The following TSPAN18 variants were observed in gnomAD, a reference collection of about 807,000 sequenced individuals.
TSPAN18 encodes the protein tetraspanin 18.
A neutral mutation model predicts 27.3 loss-of-function variants in TSPAN18; 14 were observed. The observed-to-expected ratio is 0.51, with a 90% confidence interval of 0.34 to 0.80. TSPAN18 has a LOEUF of 0.80. Ranked by LOEUF, TSPAN18 falls within the 30% of genes least tolerant of loss-of-function variation. The pLI is 0.01. For synonymous variants in TSPAN18, 143 were observed against 136.5 expected (o/e 1.05, Z -0.33); for missense variants, 268 against 323.9 (o/e 0.83, Z 1.32).
chr11:44,784,874 A>T (rs549297315), intron 2 of TSPAN18, among the ~76,000 whole-genome samples: 1 of 152,218 alleles, frequency 6.6e-6, no homozygotes, highest in Non-Finnish European at 1.5e-5. Flanking sequence ...GTGAGTGAAC[A>T]GCAGATCTGG....
At chr11:44,839,878 C>G (rs898806857) in intron 2 of TSPAN18, among the ~76,000 whole-genome samples, 10 of 152,242 alleles carry the variant, frequency 6.6e-5, no homozygotes, top group African/African-American at 2.4e-4. Context: ...GGATGGCTCT[C>G]CTGGGGCCCA....
At chr11:44,895,770 C>A (rs1441699298) in intron 3 of TSPAN18, among the ~76,000 whole-genome samples, 1 of 152,178 alleles carries the variant, frequency 6.6e-6, no homozygotes, top group African/African-American at 2.4e-5. Context: ...CTCATATCAG[C>A]CTCAGTGTCC....
At chr11:44,915,865 C>T (rs867511251) in intron 5 of TSPAN18, among the ~76,000 whole-genome samples, 1 of 152,168 alleles carries the variant, frequency 6.6e-6, no homozygotes, top group Admixed American at 6.5e-5. Flanking sequence ...GAACAGCGTC[C>T]GGTGCCCGGC....
intron 3 of TSPAN18, among the ~76,000 whole-genome samples, chr11:44,873,797 CA>C (rs1858256116): frequency 6.6e-6 from 1 of 152,220 alleles, no homozygotes; most frequent in Non-Finnish European, 1.5e-5. Context: ...CACTGGTCCT[CA>C]GAGCCCTCTG....
In TSPAN18 at chr11:44,926,731, C is replaced by G; in HGVS notation, c.673C>G (p.Leu225Val). The change falls in exon 9 of 10, where the codon CTT becomes GTT. Residue 225 changes from leucine (L) to valine (V), a missense_variant. Physicochemically the swap from Leu to Val is conservative, Grantham distance 32 (BLOSUM62 1). Coordinates refer to ENST00000520358, the MANE Select transcript of TSPAN18 (RefSeq NM_130783.5). ...FETYVYLAGA[L>V]AIGVLAIELF... is the part of the protein sequence containing the mutation. ...GACCTACGTCTACTTGGCCGGAGCC[C>G]TTGCCATCGGGGTACTGGCCATCGA... 1 of 1,614,168 alleles carries G rather than the reference C, an allele frequency of 6.2e-7. No individual in the cohort carries two copies. Among genetic ancestry groups the G allele is most frequent in the East Asian group, 2.2e-5 (1 of 44,890 alleles).
chr11:44,738,120 C>A (rs75241097), intron 1 of TSPAN18, among the ~76,000 whole-genome samples: 2,538 of 152,266 alleles, frequency 0.017, 34 homozygotes, highest in Middle Eastern at 0.048. Context: ...ATCCAAGGCA[C>A]CTGGTAGGGT....
intron 3 of TSPAN18, among the ~76,000 whole-genome samples, chr11:44,882,701 C>T (rs1272110869): frequency 6.6e-6 from 1 of 151,622 alleles, no homozygotes; most frequent in Non-Finnish European, 1.5e-5. Context: ...AGAGACAAGA[C>T]TCTGAGATGG....
chr11:44,773,002 C>A (rs1363588286), intron 2 of TSPAN18, among the ~76,000 whole-genome samples: 1 of 151,964 alleles, frequency 6.6e-6, no homozygotes, highest in African/African-American at 2.4e-5. Flanking sequence ...TCACAGGATC[C>A]ACACATGTTG....
rs76604913 is a variant in TSPAN18 at position 44,885,429 on chromosome 11, G to A, written c.-10-20978G>A. On this transcript the variant is annotated intron_variant, in intron 3 of 9. Coordinates refer to ENST00000520358, the MANE Select transcript of TSPAN18 (RefSeq NM_130783.5). The stretch of plus-strand genomic sequence containing the variant: ...CTCCTTGCTTATCCCTGGGCTTCCT[G>A]GTGGGATTGCCAGCGTCCTTCCGGG... 7.2e-3 allele frequency among the ~76,000 whole-genome samples: 1,098 copies of A among 152,288 alleles called. 9 individuals are homozygous for A. Among genetic ancestry groups the A allele is most frequent in the African/African-American group, 0.026 (1,066 of 41,560 alleles).
chr11:44,773,978 C>T (rs1053637233), intron 2 of TSPAN18, among the ~76,000 whole-genome samples: 2 of 152,166 alleles, frequency 1.3e-5, no homozygotes, highest in African/African-American at 4.8e-5. Context: ...GTCCTGTGCT[C>T]CTCAGTCGGA....
intron 1 of TSPAN18, among the ~76,000 whole-genome samples, chr11:44,733,144 C>CT (rs942810548): frequency 6.6e-6 from 1 of 152,214 alleles, no homozygotes; most frequent in African/African-American, 2.4e-5. Flanking sequence ...CCCAGGGAGG[C>CT]TGAGAATGTA....
At chr11:44,754,778 G>A (rs1855293679) in intron 1 of TSPAN18, among the ~76,000 whole-genome samples, 1 of 152,232 alleles carries the variant, frequency 6.6e-6, no homozygotes, top group South Asian at 2.1e-4. Context: ...CAGTTTAGAT[G>A]AAAAGGGAGG....
chr11:44,800,827 C>A (rs1054873680), intron 2 of TSPAN18, among the ~76,000 whole-genome samples: 1 of 152,164 alleles, frequency 6.6e-6, no homozygotes, highest in African/African-American at 2.4e-5. Flanking sequence ...GCAAAGCTTC[C>A]TTCCACAGAG....
chr11:44,823,515 A>G (rs1169661541), intron 2 of TSPAN18, among the ~76,000 whole-genome samples: 1 of 152,132 alleles, frequency 6.6e-6, no homozygotes, highest in Non-Finnish European at 1.5e-5. Flanking sequence ...TAAAGACACC[A>G]CTCAAAGGTG....
chr11:44,894,275 C>A (rs1398692015), intron 3 of TSPAN18, among the ~76,000 whole-genome samples: 1 of 152,234 alleles, frequency 6.6e-6, no homozygotes, highest in Non-Finnish European at 1.5e-5. Flanking sequence ...AGATCCCCCA[C>A]TGGTGGGAAC....
intron 3 of TSPAN18, among the ~76,000 whole-genome samples, chr11:44,895,703 T>TC (rs66555913): frequency 0.51 from 77,253 of 152,084 alleles, 19,940 homozygotes; most frequent in Non-Finnish European, 0.55. Flanking sequence ...CGCCAGACAT[T>TC]CCCCAGAGTT....
intron 2 of TSPAN18, among the ~76,000 whole-genome samples, chr11:44,776,728 G>T (rs1855818156): frequency 6.6e-6 from 1 of 152,178 alleles, no homozygotes; most frequent in Non-Finnish European, 1.5e-5. Flanking sequence ...CTATAAAGTG[G>T]GGATAATGAT....
intron 2 of TSPAN18, among the ~76,000 whole-genome samples, chr11:44,794,143 G>C (rs1266677229): frequency 6.6e-6 from 1 of 152,190 alleles, no homozygotes; most frequent in African/African-American, 2.4e-5. Context: ...TAGAGTAGGG[G>C]CTACCTCTGG....
intron 2 of TSPAN18, among the ~76,000 whole-genome samples, chr11:44,830,859 C>T (rs1215961824): frequency 6.6e-6 from 1 of 152,144 alleles, no homozygotes; most frequent in Non-Finnish European, 1.5e-5. Context: ...TTCAGGTCTT[C>T]TGAAGTCTTT....
Sources: allele counts gnomAD v4.1 joint callset (sites outside exome capture counted in the v4.1 genomes callset), GRCh38; gene constraint gnomAD v4.1.1; transcripts MANE v1.5; gene names NCBI Gene and HGNC (gene_info 2026-07-23, HGNC 2026-07-21).